The following PRKN variants were observed in gnomAD, a reference collection of about 807,000 sequenced individuals.
PRKN encodes the protein E3 ubiquitin-protein ligase parkin.
PRKN carries 56 observed loss-of-function variants against 59.5 expected under a neutral mutation model. That is an observed-to-expected ratio of 0.94 (90% CI 0.76 to 1.18). The LOEUF is 1.18. Ranked by LOEUF, PRKN falls within the 50% of genes most tolerant of loss-of-function variation. The pLI, the probability that PRKN is intolerant of heterozygous loss-of-function variation, is 0.00. For synonymous variants in PRKN, 250 were observed against 222.1 expected, an observed-to-expected ratio of 1.13 and a Z score of -1.12; for missense variants, 657 against 596.4, an observed-to-expected ratio of 1.10 and a Z score of -1.06.
chr6:161,420,358 T>A (rs984060099), intron 9 of PRKN, among the ~76,000 whole-genome samples: 3 of 151,508 alleles, frequency 2.0e-5, no homozygotes, highest in Non-Finnish European at 2.9e-5. Flanking sequence ...AGGTCAGGAG[T>A]TAGTCTTAAG....
At chr6:161,406,203 T>C (rs931037666) in intron 9 of PRKN, among the ~76,000 whole-genome samples, 4 of 144,486 alleles carry the variant, frequency 2.8e-5, no homozygotes, top group African/African-American at 1.0e-4. Context: ...CATATATACA[T>C]ATACACATAT....
At chr6:161,719,863 C>T (rs2128184914) in intron 7 of PRKN, among the ~76,000 whole-genome samples, 1 of 152,332 alleles carries the variant, frequency 6.6e-6, no homozygotes, top group East Asian at 1.9e-4. Flanking sequence ...AACTCCTGGC[C>T]TCAAGCGATC....
At chr6:161,782,411 T>C (rs2094462392) in intron 7 of PRKN, among the ~76,000 whole-genome samples, 1 of 152,196 alleles carries the variant, frequency 6.6e-6, no homozygotes, top group African/African-American at 2.4e-5. Context: ...AATAGGTGAT[T>C]GTTTTTAATA....
At chr6:162,119,258 T>C (rs557838798) in intron 4 of PRKN, among the ~76,000 whole-genome samples, 17 of 152,248 alleles carry the variant, frequency 1.1e-4, no homozygotes, top group African/African-American at 2.4e-4. Context: ...AATCCTGCAA[T>C]TGGCACAAAG....
chr6:162,254,394 T>C (rs148570198), intron 3 of PRKN, among the ~76,000 whole-genome samples: 10 of 151,178 alleles, frequency 6.6e-5, no homozygotes, highest in African/African-American at 2.4e-4. Flanking sequence ...GAAGTGGGGG[T>C]TGCATTGAGC....
chr6:161,350,531 C>T (rs1428005886), intron 11 of PRKN, among the ~76,000 whole-genome samples: 1 of 144,194 alleles, frequency 6.9e-6, no homozygotes, highest in Admixed American at 7.3e-5. Context: ...AGATAGGGGT[C>T]AATTCCTCAT....
chr6:161,769,425 T>G (rs1278392483), intron 7 of PRKN, among the ~76,000 whole-genome samples: 2 of 152,096 alleles, frequency 1.3e-5, no homozygotes, highest in Non-Finnish European at 2.9e-5. Flanking sequence ...GAGTACAGGG[T>G]CCTCACTTTG....
rs190134437 is a variant in PRKN at position 161,777,459 on chromosome 6, A to C, written c.871+8313T>G. ...GAAGAATGTATAAGGTGTTTAGCTT[A>C]AGAAGTTTGAAAGAGACACAAAAAA... On this transcript the variant is annotated intron_variant, in intron 7 of 11. Coordinates refer to ENST00000366898, the MANE Select transcript of PRKN (RefSeq NM_004562.3). Among the ~76,000 whole-genome samples, 243 of 151,952 alleles carry C rather than the reference A, an allele frequency of 1.6e-3. 5 individuals are homozygous for C. Among genetic ancestry groups the C allele is most frequent in the Admixed American group, 0.015 (227 of 15,222 alleles).
chr6:162,670,846 C>A (rs1779290944), intron 1 of PRKN, among the ~76,000 whole-genome samples: 1 of 152,098 alleles, frequency 6.6e-6, no homozygotes, highest in African/African-American at 2.4e-5. Flanking sequence ...TAATATTTTG[C>A]AGCTAAAATC....
intron 3 of PRKN, among the ~76,000 whole-genome samples, chr6:162,249,979 C>T (rs1779355856): frequency 6.6e-6 from 1 of 152,014 alleles, no homozygotes; most frequent in South Asian, 2.1e-4. Flanking sequence ...AATCCTGTCT[C>T]TACTAAAAAT....
intron 6 of PRKN, among the ~76,000 whole-genome samples, chr6:161,802,088 G>GA (rs1791106273): frequency 6.6e-6 from 1 of 152,006 alleles, no homozygotes; most frequent in Non-Finnish European, 1.5e-5. Flanking sequence ...AGAAGACTAA[G>GA]GAACAGGCTG....
At chr6:162,549,639 CTTTTTTT>C in intron 1 of PRKN, among the ~76,000 whole-genome samples, 1 of 122,590 alleles carries the variant, frequency 8.2e-6, no homozygotes. Context: ...ATGCGATAAT[CTTTTTTT>C]TTTTTTTTTT....
chr6:162,006,944 G>GA (rs1782280145), intron 5 of PRKN, among the ~76,000 whole-genome samples: 1 of 29,830 alleles, frequency 3.4e-5, no homozygotes, highest in Admixed American at 4.4e-4. Flanking sequence ...AAGAGCGCCA[G>GA]CACATTGTAT....
At chr6:161,969,880 C>A (rs1780735100) in intron 6 of PRKN, among the ~76,000 whole-genome samples, 4 of 152,008 alleles carry the variant, frequency 2.6e-5, no homozygotes, top group African/African-American at 9.7e-5. Context: ...TTTTCTCACC[C>A]TTCAAAGAGT....
intron 7 of PRKN, among the ~76,000 whole-genome samples, chr6:161,648,350 C>T (rs1784034449): frequency 6.6e-6 from 1 of 152,128 alleles, no homozygotes; most frequent in South Asian, 2.1e-4. Context: ...ATCCCTTCTG[C>T]CCATTATCCC....
chr6:162,558,955 A>C (rs1779725274), intron 1 of PRKN, among the ~76,000 whole-genome samples: 1 of 151,988 alleles, frequency 6.6e-6, no homozygotes, highest in Non-Finnish European at 1.5e-5. Flanking sequence ...TTTCTACTTT[A>C]AAAAGGCAAT....
intron 7 of PRKN, among the ~76,000 whole-genome samples, chr6:161,685,923 C>G (rs749377264): frequency 6.6e-6 from 1 of 152,158 alleles, no homozygotes; most frequent in Non-Finnish European, 1.5e-5. Flanking sequence ...AACCTCACCC[C>G]GGTCCCAGGC....
intron 2 of PRKN, among the ~76,000 whole-genome samples, chr6:162,399,737 C>T (rs1171739396): frequency 6.6e-6 from 1 of 150,854 alleles, no homozygotes; most frequent in Non-Finnish European, 1.5e-5. Flanking sequence ...GACAACAGAG[C>T]AGAAATACAA....
At chr6:161,615,310 T>A (rs1782651627) in intron 7 of PRKN, among the ~76,000 whole-genome samples, 4 of 152,134 alleles carry the variant, frequency 2.6e-5, no homozygotes, top group African/African-American at 9.7e-5. Context: ...CCCAAAGCTA[T>A]TATTAATATT....
Sources: allele counts gnomAD v4.1 joint callset (sites outside exome capture counted in the v4.1 genomes callset), GRCh38; gene constraint gnomAD v4.1.1; transcripts MANE v1.5; gene names NCBI Gene and HGNC (gene_info 2026-07-23, HGNC 2026-07-21).